GRM7: variants seen among roughly 807,000 people sequenced by gnomAD.
GRM7 encodes the protein glutamate metabotropic receptor 7.
In GRM7, 35 loss-of-function variants were observed where a neutral mutation model predicts 84.5. The ratio of observed to expected loss-of-function variants is 0.41; its 90% CI spans 0.32 to 0.55. The LOEUF (loss-of-function observed/expected upper bound fraction) is 0.55. Among genes scored for constraint, GRM7 ranks in the 20% least tolerant of loss-of-function variants. The pLI is 0.19. For missense variants in GRM7, 1,003 were observed against 1,194.6 expected (o/e 0.84, Z 2.36); for synonymous variants, 487 against 455.1 (o/e 1.07, Z -0.89).
intron 9 of GRM7, among the ~76,000 whole-genome samples, chr3:7,715,220 G>C (rs1575663438): frequency 2.0e-5 from 3 of 152,220 alleles, no homozygotes; most frequent in East Asian, 3.9e-4. Flanking sequence ...AATACTTCAG[G>C]GGGGCAAGGG....
intron 1 of GRM7, among the ~76,000 whole-genome samples, chr3:6,890,819 G>T (rs903506901): frequency 2.0e-5 from 3 of 152,086 alleles, no homozygotes; most frequent in Non-Finnish European, 4.4e-5. Flanking sequence ...TCTGTCTAAT[G>T]TTGACAGTGG....
chr3:6,887,122 C>T (rs567625494), intron 1 of GRM7, among the ~76,000 whole-genome samples: 3 of 151,870 alleles, frequency 2.0e-5, no homozygotes, highest in African/African-American at 7.2e-5. Flanking sequence ...TGCCTTTCTC[C>T]CACTGTTTAA....
intron 1 of GRM7, among the ~76,000 whole-genome samples, chr3:7,083,043 G>A (rs1387554332): frequency 1.3e-5 from 2 of 152,180 alleles, no homozygotes; most frequent in African/African-American, 4.8e-5. Flanking sequence ...CATAAAGTTA[G>A]TTAACAAAAC....
At chr3:6,978,568 A>G (rs1694083642) in intron 1 of GRM7, among the ~76,000 whole-genome samples, 1 of 152,174 alleles carries the variant, frequency 6.6e-6, no homozygotes, top group South Asian at 2.1e-4. Context: ...TAAAAAGAGA[A>G]GTTATTTAGT....
chr3:7,316,685 C>A (rs1358274575), intron 4 of GRM7, among the ~76,000 whole-genome samples: 1 of 152,016 alleles, frequency 6.6e-6, no homozygotes, highest in African/African-American at 2.4e-5. Flanking sequence ...AACAGCAATG[C>A]CAATTCTGGA....
intron 2 of GRM7, among the ~76,000 whole-genome samples, chr3:7,209,662 T>C (rs1425110967): frequency 6.6e-6 from 1 of 152,090 alleles, no homozygotes; most frequent in Non-Finnish European, 1.5e-5. Context: ...GTTGACGAGG[T>C]AGCTCAAAGG....
intron 4 of GRM7, among the ~76,000 whole-genome samples, chr3:7,366,683 A>G (rs1693906410): frequency 6.6e-6 from 1 of 151,826 alleles, no homozygotes; most frequent in African/African-American, 2.4e-5. Flanking sequence ...ACCATTTGCA[A>G]TATCTCACTA....
chr3:7,043,157 T>C (rs1696691468), intron 1 of GRM7, among the ~76,000 whole-genome samples: 1 of 152,182 alleles, frequency 6.6e-6, no homozygotes. Flanking sequence ...CTCAAATACT[T>C]TCAAGTGATT....
intron 8 of GRM7, among the ~76,000 whole-genome samples, chr3:7,600,527 T>G (rs1343253063): frequency 6.6e-6 from 1 of 152,142 alleles, no homozygotes; most frequent in African/African-American, 2.4e-5. Context: ...CCACAGAGTA[T>G]AGTGAAATAG....
At chr3:7,250,441 T>G in intron 2 of GRM7, among the ~76,000 whole-genome samples, 1 of 151,828 alleles carries the variant, frequency 6.6e-6, no homozygotes, top group Non-Finnish European at 1.5e-5. Flanking sequence ...CAACTAAACA[T>G]TTATTGCTAT....
chr3:7,672,178 G>C (rs1699944688), intron 8 of GRM7, among the ~76,000 whole-genome samples: 1 of 151,944 alleles, frequency 6.6e-6, no homozygotes, highest in African/African-American at 2.4e-5. Context: ...TCAGAGTACT[G>C]ACCTTCAGGA....
intron 2 of GRM7, among the ~76,000 whole-genome samples, chr3:7,168,902 A>G (rs1694893711): frequency 6.6e-6 from 1 of 152,194 alleles, no homozygotes; most frequent in African/African-American, 2.4e-5. Context: ...TACATTACTC[A>G]TATCAAATAA....
intron 1 of GRM7, among the ~76,000 whole-genome samples, chr3:7,023,016 T>C (rs910285218): frequency 2.9e-5 from 4 of 138,462 alleles, no homozygotes; most frequent in African/African-American, 1.0e-4. Context: ...TTAGGGGCAG[T>C]AAATCATGAG....
rs139230626 is a variant in GRM7, at chr3:7,533,653, G to T, written c.1516-44769G>T. Among the ~76,000 whole-genome samples the T allele has an allele frequency of 2.0e-5, 3 of 152,268 alleles. No homozygotes were observed. The East Asian group carries it at 5.8e-4, about 29-fold the overall frequency. On this transcript the variant is annotated intron_variant, in intron 7 of 9. Transcript: ENST00000357716. ...AGGAAACCCCAATCCTGAAGGAAAA[G>T]CAAACTTTCCTGATATTTACTGAAT...
intron 8 of GRM7, among the ~76,000 whole-genome samples, chr3:7,670,575 T>C (rs1401783883): frequency 6.6e-6 from 1 of 152,250 alleles, no homozygotes; most frequent in Admixed American, 6.5e-5. Context: ...TTTTTAACTA[T>C]TTATTTGACA....
chr3:7,259,408 A>AT (rs970173960), intron 2 of GRM7, among the ~76,000 whole-genome samples: 30 of 151,824 alleles, frequency 2.0e-4, no homozygotes, highest in Non-Finnish European at 3.5e-4. Flanking sequence ...CACAATAGTT[A>AT]TTTTTTTTCT....
intron 1 of GRM7, among the ~76,000 whole-genome samples, chr3:6,925,411 G>T (rs537735972): frequency 6.6e-6 from 1 of 152,000 alleles, no homozygotes; most frequent in East Asian, 1.9e-4. Context: ...TACTTGAGAA[G>T]GTTACGTTGT....
chr3:7,590,703 C>T (rs569035038), intron 8 of GRM7, among the ~76,000 whole-genome samples: 4 of 152,246 alleles, frequency 2.6e-5, no homozygotes, highest in African/African-American at 2.4e-5. Flanking sequence ...GAGGCTGTCA[C>T]GCAGACCTTT....
At chr3:7,698,357 T>C (rs1243801714) in intron 9 of GRM7, among the ~76,000 whole-genome samples, 2 of 152,356 alleles carry the variant, frequency 1.3e-5, no homozygotes, top group South Asian at 2.1e-4. Flanking sequence ...TTCTGTGTAC[T>C]TAATATGTAT....
Sources: gnomAD v4.1 joint callset for allele counts (sites outside exome capture counted in the v4.1 genomes callset) on GRCh38, gnomAD v4.1.1 for gene constraint, MANE v1.5 for transcripts, NCBI Gene and HGNC (gene_info 2026-07-23, HGNC 2026-07-21) for gene names.